LRP1B: variants seen among roughly 807,000 people sequenced by gnomAD.
LRP1B encodes the protein LDL receptor related protein 1B, also known as low-density lipoprotein receptor-related protein 1B.
Under a neutral mutation model 556.6 loss-of-function variants are expected in LRP1B, and 217 were observed. The ratio of observed to expected loss-of-function variants is 0.39; its 90% CI spans 0.35 to 0.44. LRP1B has a LOEUF of 0.44. Among genes scored for constraint, LRP1B ranks in the 20% least tolerant of loss-of-function variants. LRP1B has a pLI of 1.00. For synonymous variants in LRP1B, 2,047 were observed against 1,865.8 expected, an observed-to-expected ratio of 1.10 and a Z score of -2.50; for missense variants, 5,053 against 5,620.8, an observed-to-expected ratio of 0.90 and a Z score of 3.23.
intron 31 of LRP1B, among the ~76,000 whole-genome samples, chr2:140,826,637 G>T (rs1691518350): frequency 6.6e-6 from 1 of 152,096 alleles, no homozygotes; most frequent in Non-Finnish European, 1.5e-5. Context: ...AATCTGCCAG[G>T]CACCATGCAT....
chr2:140,720,417 C>T (rs1687359691), intron 35 of LRP1B, among the ~76,000 whole-genome samples: 1 of 151,798 alleles, frequency 6.6e-6, no homozygotes, highest in Admixed American at 6.6e-5. Context: ...AAGCCATTTT[C>T]AAGAATTACC....
chr2:141,281,156 C>T (rs1685495449), intron 3 of LRP1B, among the ~76,000 whole-genome samples: 1 of 152,006 alleles, frequency 6.6e-6, no homozygotes, highest in African/African-American at 2.4e-5. Context: ...TTTTCCTCCA[C>T]ATAAAACCTT....
chr2:141,324,962 C>T (rs191414312), intron 3 of LRP1B, among the ~76,000 whole-genome samples: 1 of 152,084 alleles, frequency 6.6e-6, no homozygotes, highest in East Asian at 1.9e-4. Flanking sequence ...TATTGTTTCT[C>T]CTTTTCCAAT....
chr2:140,595,569 T>G (rs1344897875), intron 43 of LRP1B, among the ~76,000 whole-genome samples: 1 of 152,156 alleles, frequency 6.6e-6, no homozygotes, highest in Non-Finnish European at 1.5e-5. Flanking sequence ...GAACGTTTAT[T>G]TTACCTTTTT....
chr2:140,887,491 T>A (rs1409619182), intron 23 of LRP1B, among the ~76,000 whole-genome samples: 1 of 152,140 alleles, frequency 6.6e-6, no homozygotes, highest in Non-Finnish European at 1.5e-5. Flanking sequence ...ACTTATTTCA[T>A]ACCATAGACA....
intron 50 of LRP1B, among the ~76,000 whole-genome samples, chr2:140,516,316 C>A (rs190809518): frequency 3.1e-4 from 47 of 151,932 alleles, no homozygotes; most frequent in African/African-American, 1.1e-3. Context: ...AAAAACAATA[C>A]AATAAAACAA....
At chr2:140,645,059 A>G (rs893011147) in intron 41 of LRP1B, among the ~76,000 whole-genome samples, 44 of 152,100 alleles carry the variant, frequency 2.9e-4, no homozygotes, top group African/African-American at 8.0e-4. Flanking sequence ...TGTAGCCATT[A>G]TTTCTACCCA....
chr2:142,056,302 G>GA (rs35710116), intron 1 of LRP1B, among the ~76,000 whole-genome samples: 91,336 of 151,882 alleles, frequency 0.6, 28,795 homozygotes, highest in East Asian at 0.68. Flanking sequence ...AATAGGACTG[G>GA]AAAAAAGATA....
intron 2 of LRP1B, among the ~76,000 whole-genome samples, chr2:141,745,400 G>A (rs1029767405): frequency 2.0e-5 from 3 of 152,130 alleles, no homozygotes; most frequent in African/African-American, 7.2e-5. Context: ...ACAAGATGCA[G>A]TCCTTCCTAC....
At chr2:140,458,705 C>A (rs868226458) in intron 60 of LRP1B, among the ~76,000 whole-genome samples, 1 of 152,092 alleles carries the variant, frequency 6.6e-6, no homozygotes, top group African/African-American at 2.4e-5. Context: ...CCTCATTCAG[C>A]AGTAACTGAA....
chr2:141,308,829 C>T (rs1197118104), intron 3 of LRP1B, among the ~76,000 whole-genome samples: 1 of 152,078 alleles, frequency 6.6e-6, no homozygotes, highest in African/African-American at 2.4e-5. Context: ...CATACACTAA[C>T]ATGTTACCAA....
intron 1 of LRP1B, among the ~76,000 whole-genome samples, chr2:142,109,137 T>A (rs544354474): frequency 6.6e-6 from 1 of 152,306 alleles, no homozygotes; most frequent in Admixed American, 6.5e-5. Context: ...AATATCTCAA[T>A]TTTCATTTGA....
At chr2:141,017,657 G>C (rs13001600) in intron 12 of LRP1B, among the ~76,000 whole-genome samples, 1 of 143,852 alleles carries the variant, frequency 7.0e-6, no homozygotes, top group Admixed American at 6.9e-5. Flanking sequence ...ATATATATAT[G>C]TATATATGTA....
chr2:140,622,085 A>C (rs1203137243), intron 41 of LRP1B, among the ~76,000 whole-genome samples: 4 of 152,234 alleles, frequency 2.6e-5, no homozygotes, highest in Non-Finnish European at 5.9e-5. Context: ...AAGGAAAAGC[A>C]TCAATTTGGT....
At chr2:141,806,190 C>A (rs1329993155) in intron 2 of LRP1B, among the ~76,000 whole-genome samples, 2 of 151,968 alleles carry the variant, frequency 1.3e-5, no homozygotes, top group Non-Finnish European at 2.9e-5. Flanking sequence ...TCTTGAATAC[C>A]TCAGAATAAA....
intron 17 of LRP1B, among the ~76,000 whole-genome samples, chr2:140,983,963 A>G (rs571843166): frequency 6.6e-6 from 1 of 151,892 alleles, no homozygotes; most frequent in Non-Finnish European, 1.5e-5. Flanking sequence ...TTAATTCCAC[A>G]TATTTTCTGG....
chr2:141,609,338 C>G (rs538440070), intron 2 of LRP1B, among the ~76,000 whole-genome samples: 12 of 152,264 alleles, frequency 7.9e-5, no homozygotes, highest in African/African-American at 2.9e-4. Flanking sequence ...GTCATGGCCT[C>G]TAAAGAAAAT....
chr2:141,422,196 A>C (rs1559061972), intron 3 of LRP1B, among the ~76,000 whole-genome samples: 1 of 152,238 alleles, frequency 6.6e-6, no homozygotes, highest in African/African-American at 2.4e-5. Flanking sequence ...AGTTGGGCAT[A>C]CACCACTCAT....
chr2:141,785,346 C>T (rs1695394581), intron 2 of LRP1B, among the ~76,000 whole-genome samples: 2 of 151,894 alleles, frequency 1.3e-5, no homozygotes, highest in South Asian at 2.1e-4. Context: ...TGTTGCAGCA[C>T]TTAGTAATTG....
Sources: gnomAD v4.1 joint callset for allele counts (sites outside exome capture counted in the v4.1 genomes callset) on GRCh38, gnomAD v4.1.1 for gene constraint, MANE v1.5 for transcripts, NCBI Gene and HGNC (gene_info 2026-07-23, HGNC 2026-07-21) for gene names.